Variants in SDHA observed in about 807,000 individuals in gnomAD.
SDHA encodes the protein succinate dehydrogenase complex flavoprotein subunit A.
A neutral mutation model predicts 78.4 loss-of-function variants in SDHA; 48 were observed. The ratio of observed to expected loss-of-function variants is 0.61; its 90% confidence interval spans 0.49 to 0.78. The LOEUF is 0.78. Ranked by LOEUF, SDHA falls within the 30% of genes least tolerant of loss-of-function variation. SDHA has a pLI of 0.00. For missense variants in SDHA, 680 were observed against 892.7 expected (o/e 0.76, Z 3.04); for synonymous variants, 326 against 353.9 (o/e 0.92, Z 0.88).
At chr5:253,386 G>A (rs559686719) in intron 13 of SDHA, among the ~76,000 whole-genome samples, 2 of 152,268 alleles carry the variant, frequency 1.3e-5, no homozygotes, top group East Asian at 3.9e-4. Context: ...AGAGTTTCCT[G>A]CAAAGTATAT....
chr5:226,928 C>CA (rs554077502), intron 5 of SDHA, among the ~76,000 whole-genome samples: 6,187 of 82,308 alleles, frequency 0.075, 229 homozygotes, highest in African/African-American at 0.081. Flanking sequence ...GACTCCATCT[C>CA]AAAAAAAAAA....
At chr5:221,280 C>T (rs1734697702) in intron 1 of SDHA, among the ~76,000 whole-genome samples, 1 of 152,148 alleles carries the variant, frequency 6.6e-6, no homozygotes, top group African/African-American at 2.4e-5. Context: ...ATTTGTAATA[C>T]CTCTGTTTCT....
rs1553997174 is a variant in SDHA, at chr5:223,530, G to C, written c.112G>C (p.Asp38His). The change falls in exon 2 of 15, where the codon GAT becomes CAT. Residue 38 changes from aspartate to histidine, a missense_variant. Coordinates refer to ENST00000264932, the MANE Select transcript of SDHA (RefSeq NM_004168.4). ...AACCCGAGGTTTTCACTTCACTGTT[G>C]ATGGGAACAAGAGGGCATCTGCTAA... The part of the protein sequence containing the change: ...TGTRGFHFTV[D>H]GNKRASAKVS... 6.2e-7 allele frequency: 1 copy of C among 1,613,852 alleles called. No homozygotes were observed. The highest frequency in any genetic ancestry group is 8.5e-7 in the Non-Finnish European group (1 of 1,179,742).
chr5:259,806 G>T (rs1737417642), downstream of SDHA, among the ~76,000 whole-genome samples: 1 of 33,888 alleles, frequency 3.0e-5, no homozygotes, highest in Admixed American at 2.8e-4. Flanking sequence ...GCATTACCGT[G>T]TGAGCTCCGC....
intron 11 of SDHA, chr5:250,526 C>G (rs1432213975): frequency 7.9e-6 from 2 of 252,322 alleles, no homozygotes; most frequent in Admixed American, 1.0e-4. Context: ...TCCTTGAAGA[C>G]GTGCAGCTCC....
intron 10 of SDHA, among the ~76,000 whole-genome samples, chr5:236,802 C>T (rs1232228866): frequency 2.0e-5 from 3 of 152,156 alleles, no homozygotes; most frequent in African/African-American, 7.2e-5. Flanking sequence ...TGCACCACCA[C>T]ACCTGGCTAA....
intron 13 of SDHA, chr5:253,230 G>A (rs1230470566): frequency 2.0e-5 from 3 of 152,174 alleles, no homozygotes; most frequent in South Asian, 4.1e-4. Flanking sequence ...TAGGCGGCTG[G>A]TGGCAGCCTT....
At chr5:266,883 A>G in the SDHA span, among the ~76,000 whole-genome samples, 3 of 151,896 alleles carry the variant, frequency 2.0e-5, no homozygotes, top group African/African-American at 7.2e-5. Context: ...CGCTGTGTCT[A>G]AAATATTCAG....
chr5:226,928 CAAAA>C (rs554077502), intron 5 of SDHA, among the ~76,000 whole-genome samples: 6 of 82,508 alleles, frequency 7.3e-5, no homozygotes, highest in Admixed American at 2.6e-4. Flanking sequence ...GACTCCATCT[CAAAA>C]AAAAAAAAAA....
intron 7 of SDHA, among the ~76,000 whole-genome samples, chr5:232,488 T>G (rs1288661602): frequency 6.6e-6 from 1 of 152,196 alleles, no homozygotes; most frequent in Non-Finnish European, 1.5e-5. Flanking sequence ...CTCAGGGTCC[T>G]GGGATTATAG....
chr5:252,282 G>A (rs1194178948), intron 13 of SDHA, among the ~76,000 whole-genome samples: 1 of 129,180 alleles, frequency 7.7e-6, no homozygotes, highest in Non-Finnish European at 1.5e-5. Flanking sequence ...GGAAATGCCC[G>A]TTTATTAAAT....
chr5:258,648 G>C (rs1427526874), downstream of SDHA, among the ~76,000 whole-genome samples: 3 of 121,798 alleles, frequency 2.5e-5, no homozygotes, highest in Non-Finnish European at 4.8e-5. Context: ...TCCCGCCAGA[G>C]CATTACCGTG....
At chr5:246,678 A>C (rs962011649) in intron 11 of SDHA, among the ~76,000 whole-genome samples, 1 of 152,274 alleles carries the variant, frequency 6.6e-6, no homozygotes, top group African/African-American at 2.4e-5. Flanking sequence ...CATGGACTCT[A>C]GAGAAGGCTC....
downstream of SDHA, among the ~76,000 whole-genome samples, chr5:259,824 CCG>C (rs1737418410): frequency 1.2e-4 from 4 of 32,004 alleles, no homozygotes; most frequent in Non-Finnish European, 2.1e-4. Flanking sequence ...CGCCTCCCGT[CCG>C]AGCATTACCG....
chr5:261,741 G>C (rs868752845), downstream of SDHA, among the ~76,000 whole-genome samples: 2 of 20,144 alleles, frequency 9.9e-5, no homozygotes, highest in African/African-American at 2.6e-4. Context: ...TCCGCCTCCC[G>C]GCAGAGCATT....
Position 242,614 on chromosome 5 carries a change from C to T in SDHA, c.1551+2138C>T, listed in dbSNP as rs145639251. 9.5e-3 allele frequency among the ~76,000 whole-genome samples: 1,444 copies of T among 152,242 alleles called. 28 individuals are homozygous for T. The highest frequency in any genetic ancestry group is 0.034 in the African/African-American group (1,405 of 41,550). Reference sequence around the variant, plus strand: ...TGTGTGTCTTTAATTCCTCTAGCGCCGCTGGGTTAGGGTCTCCATGACCGA... The same window carrying T: ...TGTGTGTCTTTAATTCCTCTAGCGCTGCTGGGTTAGGGTCTCCATGACCGA... On this transcript the variant is annotated intron_variant, in intron 11 of 14. Transcript: ENST00000264932.
At chr5:243,085 CCT>C (rs1240690086) in intron 11 of SDHA, among the ~76,000 whole-genome samples, 1 of 152,046 alleles carries the variant, frequency 6.6e-6, no homozygotes, top group Non-Finnish European at 1.5e-5. Context: ...TTGAGCGACC[CCT>C]CTCAGTTCTA....
At chr5:228,955 G>T (rs1735214208) in intron 6 of SDHA, among the ~76,000 whole-genome samples, 1 of 151,658 alleles carries the variant, frequency 6.6e-6, no homozygotes, top group South Asian at 2.1e-4. Context: ...ATGGGCAAAG[G>T]ACTTGAATAG....
intron 1 of SDHA, among the ~76,000 whole-genome samples, chr5:219,262 C>T (rs548639779): frequency 6.8e-6 from 1 of 146,134 alleles, no homozygotes; most frequent in African/African-American, 2.8e-5. Context: ...TTATACTTCC[C>T]TGAGCCCTTG....
Sources: gnomAD v4.1 joint callset for allele counts (sites outside exome capture counted in the v4.1 genomes callset) on GRCh38, gnomAD v4.1.1 for gene constraint, MANE v1.5 for transcripts, NCBI Gene and HGNC (gene_info 2026-07-23, HGNC 2026-07-21) for gene names.